Variants in CC2D2B observed in about 807,000 individuals in gnomAD.
The protein encoded by CC2D2B is protein CC2D2B.
A neutral mutation model predicts 161.2 loss-of-function variants in CC2D2B; 128 were observed. That is an observed-to-expected ratio of 0.79 (90% CI 0.69 to 0.92). CC2D2B has a LOEUF of 0.92. Ranked by LOEUF, CC2D2B falls within the 40% of genes least tolerant of loss-of-function variation. CC2D2B has a pLI of 0.00. For synonymous variants in CC2D2B, 391 were observed against 449.8 expected (o/e 0.87, Z 1.65); for missense variants, 1,173 against 1,375.1 (o/e 0.85, Z 2.32).
At chr10:96,030,501 T>C (rs544992699) in intron 34 of CC2D2B, among the ~76,000 whole-genome samples, 4 of 152,156 alleles carry the variant, frequency 2.6e-5, no homozygotes, top group African/African-American at 9.6e-5. Flanking sequence ...AAGGAATCTA[T>C]TGGGAGTTGA....
chr10:96,017,559 G>A (rs1356322887), intron 30 of CC2D2B, among the ~76,000 whole-genome samples: 1 of 152,130 alleles, frequency 6.6e-6, no homozygotes, highest in Admixed American at 6.5e-5. Flanking sequence ...AAGAGCAAGG[G>A]CTGTGAAGTC....
At chr10:95,990,437 A>C (rs1354108085) in intron 20 of CC2D2B, among the ~76,000 whole-genome samples, 1 of 152,146 alleles carries the variant, frequency 6.6e-6, no homozygotes, top group Non-Finnish European at 1.5e-5. Context: ...CTTGGCGTAG[A>C]AGCACACCTG....
At chr10:95,934,160 C>G (rs566283089) in intron 6 of CC2D2B, among the ~76,000 whole-genome samples, 2 of 152,140 alleles carry the variant, frequency 1.3e-5, no homozygotes, top group South Asian at 2.1e-4. Context: ...TGAACTTCCC[C>G]GTGGCTTTGT....
chr10:95,980,701 A>G (rs2077484001), intron 17 of CC2D2B, among the ~76,000 whole-genome samples: 1 of 152,208 alleles, frequency 6.6e-6, no homozygotes, highest in Middle Eastern at 3.2e-3. Context: ...TTACCATACC[A>G]CACATTGGCT....
At chr10:95,946,377 CTCCAT>C (rs1344687655) in intron 9 of CC2D2B, among the ~76,000 whole-genome samples, 4 of 152,208 alleles carry the variant, frequency 2.6e-5, no homozygotes, top group African/African-American at 9.6e-5. Context: ...GCTTGTGTCA[CTCCAT>C]TAGAAACCCA....
intron 24 of CC2D2B, among the ~76,000 whole-genome samples, chr10:96,003,017 A>C (rs867801583): frequency 9.5e-6 from 1 of 105,562 alleles, no homozygotes; most frequent in East Asian, 6.0e-4. Context: ...TCAAAAAATA[A>C]ATAAATATAT....
At chr10:96,029,271 T>C (rs1354618741) in intron 34 of CC2D2B, among the ~76,000 whole-genome samples, 2 of 67,874 alleles carry the variant, frequency 2.9e-5, no homozygotes, top group African/African-American at 1.2e-4. Context: ...TATATATATA[T>C]ATATATATAT....
intron 12 of CC2D2B, among the ~76,000 whole-genome samples, chr10:95,962,791 T>C (rs564175889): frequency 4.0e-4 from 60 of 148,586 alleles, no homozygotes; most frequent in Admixed American, 3.1e-3. Context: ...TTAACAAAAG[T>C]GCTCTGGACG....
At chr10:95,916,847 G>T (rs2098517222) in intron 2 of CC2D2B, among the ~76,000 whole-genome samples, 1 of 152,170 alleles carries the variant, frequency 6.6e-6, no homozygotes, top group Non-Finnish European at 1.5e-5. Flanking sequence ...GTGGTGAAGA[G>T]AAGAATGTAT....
At chr10:95,924,291 T>A in intron 3 of CC2D2B, 23 bp from the exon 4 acceptor site, 1 of 1,329,868 alleles carries the variant, frequency 7.5e-7, no homozygotes, top group Non-Finnish European at 1.0e-6. Context: ...CATAAACTCT[T>A]TATTATGTTG....
At chr10:96,023,266 C>T (rs931743342) in intron 32 of CC2D2B, among the ~76,000 whole-genome samples, 1 of 152,236 alleles carries the variant, frequency 6.6e-6, no homozygotes, top group Non-Finnish European at 1.5e-5. Context: ...TTCCTGTGGG[C>T]TCATGGCCCT....
At position 96,013,884 on chromosome 10, in the gene CC2D2B, A is replaced by C; in HGVS notation, c.3516+7A>C. On this transcript the variant is annotated splice_region_variant and intron_variant, in intron 29 of 34. Coordinates refer to ENST00000646931, the MANE Select transcript of CC2D2B (RefSeq NM_001349008.3). ...TATATGGATGACATCAGAGGTAATA[A>C]ATTACATTTTATATATATAATTGAA... 7.1e-7 allele frequency: 1 copy of C among 1,415,782 alleles called. No homozygotes were observed. Among genetic ancestry groups the C allele is most frequent in the Non-Finnish European group, 9.6e-7 (1 of 1,038,160 alleles). The allele number at this position is 1,415,782 out of a possible 1,614,324, so 87.7% of individuals were successfully genotyped here.
At chr10:96,002,050 A>T (rs915427446) in intron 24 of CC2D2B, among the ~76,000 whole-genome samples, 1 of 152,194 alleles carries the variant, frequency 6.6e-6, no homozygotes, top group African/African-American at 2.4e-5. Flanking sequence ...AAATATTTGG[A>T]ATATTAATGT....
At chr10:95,965,152 A>T (rs1057159294) in intron 12 of CC2D2B, among the ~76,000 whole-genome samples, 1 of 152,166 alleles carries the variant, frequency 6.6e-6, no homozygotes, top group East Asian at 1.9e-4. Context: ...ACAAAACCTT[A>T]TACTGAAAAC....
chr10:95,939,005 T>C lies in CC2D2B; in HGVS notation c.801+80T>C. On this transcript the variant is annotated intron_variant, in intron 9 of 34. Transcript: ENST00000646931. ...ATCGCTGGTGGTTTTGTGGTGTTGA[T>C]TTATCCTTTAAAGATACTAAGTCTA... 5.1e-6 allele frequency: 3 copies of C among 592,280 alleles called. No homozygotes were observed. The South Asian group carries it at 7.4e-5, about 15-fold the overall frequency. 36.7% of individuals were successfully genotyped at this position (592,280 alleles called of 1,614,324 possible). A position where few individuals can be genotyped will look rare whatever the true frequency, so the allele number is the denominator to read the frequency against.
At chr10:95,945,302 A>G (rs1249292980) in intron 9 of CC2D2B, among the ~76,000 whole-genome samples, 1 of 151,940 alleles carries the variant, frequency 6.6e-6, no homozygotes, top group African/African-American at 2.4e-5. Context: ...TCTTCTTCAC[A>G]TTTTTCGTGT....
chr10:95,928,587 G>T (rs1006807287), intron 6 of CC2D2B, among the ~76,000 whole-genome samples: 1 of 152,108 alleles, frequency 6.6e-6, no homozygotes, highest in Non-Finnish European at 1.5e-5. Flanking sequence ...GCCCTGGTGT[G>T]TGATGTTCCC....
In CC2D2B at chr10:95,992,686, A is replaced by C. The variant is rs2078002204; in HGVS notation, c.2631A>C (p.Thr877=). 4.1e-6 allele frequency: 5 copies of C among 1,234,086 alleles called. No homozygotes were observed. Among genetic ancestry groups the C allele is most frequent in the Non-Finnish European group, 4.0e-6 (4 of 988,038 alleles). 76.4% of individuals were successfully genotyped at this position (1,234,086 alleles called of 1,614,324 possible). The change falls in exon 22 of 35, where the codon ACA becomes ACC. Residue 877 remains threonine (T), a synonymous_variant. Transcript: ENST00000646931. ...VRAYNIPTRK[T]TINGSLDMPT... ...CCTATAATATTCCTACCAGAAAAAC[A>C]ACAATTAATGGGTAAGGCAATATGC...
At chr10:96,029,564 G>A (rs187484305) in intron 34 of CC2D2B, among the ~76,000 whole-genome samples, 1 of 151,232 alleles carries the variant, frequency 6.6e-6, no homozygotes, top group Non-Finnish European at 1.5e-5. Context: ...TATTTGTTCT[G>A]GGCAAGAGGA....
Sources: allele counts gnomAD v4.1 joint callset (sites outside exome capture counted in the v4.1 genomes callset), GRCh38; gene constraint gnomAD v4.1.1; transcripts MANE v1.5; gene names NCBI Gene and HGNC (gene_info 2026-07-23, HGNC 2026-07-21).